PADI6: variants seen among roughly 807,000 people sequenced by gnomAD.
PADI6 encodes peptidyl arginine deiminase 6.
In PADI6, 66 loss-of-function variants were observed where a neutral mutation model predicts 78.2. The ratio of observed to expected loss-of-function variants is 0.84; its 90% CI spans 0.69 to 1.04. The LOEUF (loss-of-function observed/expected upper bound fraction) is 1.04, where lower values mean the gene tolerates loss of function less well. PADI6 is among the 50% of genes least tolerant of loss of function. PADI6 has a pLI of 0.00. For missense variants in PADI6, 854 were observed against 866.1 expected (o/e 0.99, Z 0.18); for synonymous variants, 397 against 346.9 (o/e 1.14, Z -1.60).
intron 4 of PADI6, among the ~76,000 whole-genome samples, chr1:17,380,729 T>A (rs1025568055): frequency 6.6e-6 from 1 of 151,836 alleles, no homozygotes; most frequent in Non-Finnish European, 1.5e-5. Flanking sequence ...GGTTGTGGAG[T>A]CTCCTAGATG....
chr1:17,381,879 C>G, intron 5 of PADI6, 88 bp from the exon 6 acceptor site: 2 of 1,511,712 alleles, frequency 1.3e-6, no homozygotes, highest in Non-Finnish European at 1.8e-6. Context: ...TCTGTTCAAA[C>G]TCCCGGCCCC....
intron 3 of PADI6, among the ~76,000 whole-genome samples, chr1:17,377,357 C>T (rs2075029264): frequency 6.6e-6 from 1 of 152,116 alleles, no homozygotes; most frequent in Non-Finnish European, 1.5e-5. Flanking sequence ...CCTGTTCCTT[C>T]TCAGAACCCT....
intron 8 of PADI6, among the ~76,000 whole-genome samples, chr1:17,390,644 G>GGT (rs1299786920): frequency 6.6e-5 from 10 of 151,798 alleles, no homozygotes; most frequent in African/African-American, 2.2e-4. Flanking sequence ...AGGCTCCGTG[G>GGT]GTGTAGAAGC....
intron 3 of PADI6, among the ~76,000 whole-genome samples, chr1:17,379,114 T>TTTTTG: frequency 7.7e-6 from 1 of 129,224 alleles, no homozygotes; most frequent in Admixed American, 7.2e-5. Context: ...CCAGTTAATT[T>TTTTTG]TTTTTTTTTT....
At chr1:17,391,675 T>C (rs2800690) in intron 8 of PADI6, among the ~76,000 whole-genome samples, 45,468 of 152,042 alleles carry the variant, frequency 0.3, 7,128 homozygotes, top group Middle Eastern at 0.41. Context: ...ATGACAACCA[T>C]GCATGGTGGC....
chr1:17,380,184 GTATTT>G (rs2075059034), intron 4 of PADI6, among the ~76,000 whole-genome samples, 197 bp downstream of exon 4: 1 of 151,814 alleles, frequency 6.6e-6, no homozygotes, highest in African/African-American at 2.4e-5. Context: ...CTTTTGTGGG[GTATTT>G]TTTTGTTTTT....
At chr1:17,392,018 G>T in intron 8 of PADI6, 96 bp from the exon 9 acceptor site, 2 of 1,034,634 alleles carry the variant, frequency 1.9e-6, no homozygotes, top group South Asian at 3.0e-5. Flanking sequence ...CTCTCCTGGT[G>T]AGAAGGATGT....
At chr1:17,388,144 T>C (rs532821105) in intron 6 of PADI6, among the ~76,000 whole-genome samples, 5 of 152,184 alleles carry the variant, frequency 3.3e-5, no homozygotes, top group Non-Finnish European at 7.3e-5. Flanking sequence ...ACTCCTGGCA[T>C]GTAATAGGTC....
At chr1:17,396,277 T>A (rs1378786065) in intron 13 of PADI6, among the ~76,000 whole-genome samples, 5 of 152,106 alleles carry the variant, frequency 3.3e-5, no homozygotes, top group Non-Finnish European at 7.4e-5. Flanking sequence ...TCTCAGCTAC[T>A]CGGGAGGCTG....
chr1:17,386,026 G>C (rs1405322948), intron 6 of PADI6, among the ~76,000 whole-genome samples: 1 of 146,940 alleles, frequency 6.8e-6, no homozygotes, highest in Non-Finnish European at 1.5e-5. Flanking sequence ...AGCAGAGGCT[G>C]GAGGGAGCCC....
chr1:17,374,974 TAGTG>T lies in PADI6; in HGVS notation c.295-450_295-447del, dbSNP rs531489951. Among the ~76,000 whole-genome samples, 46 of 152,186 alleles carry T rather than the reference TAGTG, an allele frequency of 3.0e-4. 1 individual carries two copies. Among genetic ancestry groups the T allele is most frequent in the Admixed American group, 1.6e-3 (25 of 15,290 alleles). ...TGCTTCTTCACCTGGGTGTCCTTCT[TAGTG>T]AGCAGCTTAAGCCACCAGAGGCCTG... On this transcript the variant is annotated intron_variant, in intron 2 of 15. Transcript: ENST00000619609.
chr1:17,401,369 A>AGACATCTGTGCCTGTGCC lies in PADI6; in HGVS notation c.2017_2034dup (p.Asp673_Ala678dup). On this transcript the variant is annotated inframe_insertion, in exon 16 of 16. Transcript: ENST00000619609. ...TTGACTGTTACCTGACAGAGGTCGG[A>AGACATCTGTGCCTGTGCC]GACATCTGTGCCTGTGCCAACATCC... 6.2e-7 allele frequency: 1 copy of AGACATCTGTGCCTGTGCC among 1,614,072 alleles called. No homozygotes were observed. Among genetic ancestry groups the AGACATCTGTGCCTGTGCC allele is most frequent in the Non-Finnish European group, 8.5e-7 (1 of 1,179,900 alleles).
In PADI6 at chr1:17,375,386, C is replaced by T. The variant is rs74058753; in HGVS notation, c.295-41C>T. The T allele has an allele frequency of 5.4e-3, 8,426 of 1,564,660 alleles. 415 individuals carry two copies. In the African/African-American group the frequency reaches 0.097, roughly 18 times the overall value. ...CTGGGGCTCTGTTCCTGGCACCTCC[C>T]GTCCAACACTGCCTATGGTTTCGGG... On this transcript the variant is annotated intron_variant, in intron 2 of 15. Coordinates refer to ENST00000619609, the MANE Select transcript of PADI6 (RefSeq NM_207421.4).
intron 13 of PADI6, 92 bp from the exon 14 acceptor site, chr1:17,396,978 AC>A: frequency 1.0e-6 from 1 of 985,462 alleles, no homozygotes; most frequent in Non-Finnish European, 1.5e-6. Flanking sequence ...CCAGGAATGC[AC>A]CCAGGTGGCT....
At chr1:17,383,093 C>T (rs2075088585) in intron 6 of PADI6, among the ~76,000 whole-genome samples, 1 of 152,200 alleles carries the variant, frequency 6.6e-6, no homozygotes, top group Admixed American at 6.5e-5. Context: ...CAACCTGCCA[C>T]CTTGTCTTGT....
At position 17,379,970 on chromosome 1, in the gene PADI6, A is replaced by G. The variant is rs774696472; in HGVS notation, c.418A>G (p.Ser140Gly). 3 of 1,613,416 alleles carry G rather than the reference A, an allele frequency of 1.9e-6. No individual in the cohort carries two copies. The South Asian group carries it at 3.3e-5, about 18-fold the overall frequency. ...IYRNGQVEMS[S>G]DKQAKKKWIW... ...CCGCAATGGGCAAGTTGAGATGTCA[A>G]GTGACAAACAGGCTAAGGTGAGTCT... is the stretch of plus-strand genomic sequence containing the variant. The change falls in exon 4 of 16, where the codon AGT becomes GGT. Residue 140 changes from serine (S) to glycine (G), a missense_variant. Physicochemically the swap from Ser to Gly is moderately conservative, Grantham distance 56. Coordinates refer to ENST00000619609, the MANE Select transcript of PADI6 (RefSeq NM_207421.4).
intron 6 of PADI6, among the ~76,000 whole-genome samples, chr1:17,386,174 C>T (rs893168088): frequency 1.3e-5 from 2 of 152,124 alleles, no homozygotes; most frequent in Non-Finnish European, 2.9e-5. Flanking sequence ...GGGCTTCTGG[C>T]CTCCCCCATG....
intron 6 of PADI6, among the ~76,000 whole-genome samples, chr1:17,387,746 C>A (rs1254511429): frequency 1.3e-5 from 2 of 152,080 alleles, no homozygotes; most frequent in East Asian, 1.9e-4. Flanking sequence ...GCAAGACTCC[C>A]TCTCAAAAAC....
Position 17,379,987 on chromosome 1 carries a change from G to T in PADI6, c.435G>T (p.Lys145Asn). 2 of 1,613,374 alleles carry T rather than the reference G, an allele frequency of 1.2e-6. No individual in the cohort carries two copies. Among genetic ancestry groups the T allele is most frequent in the South Asian group, 2.2e-5 (2 of 91,048 alleles). ...AGATGTCAAGTGACAAACAGGCTAA[G>T]GTGAGTCTGCCAGCAAAAGGGGGCA... ...QVEMSSDKQA[K>N]KKWIWGPSGW... Residue 145 changes from lysine to asparagine, a missense_variant and splice_region_variant, in exon 4 of 16, where the codon AAG becomes AAT. By Grantham distance (94) the Lys-to-Asn change is moderately conservative. Coordinates refer to ENST00000619609, the MANE Select transcript of PADI6 (RefSeq NM_207421.4).
Sources: gnomAD v4.1 joint callset for allele counts (sites outside exome capture counted in the v4.1 genomes callset) on GRCh38, gnomAD v4.1.1 for gene constraint, MANE v1.5 for transcripts, NCBI Gene and HGNC (gene_info 2026-07-23, HGNC 2026-07-21) for gene names.